Variants in DGKH observed in about 807,000 individuals in gnomAD.
DGKH encodes the protein diacylglycerol kinase eta, also known as DAG kinase eta.
In DGKH, 90 loss-of-function variants were observed where a neutral mutation model predicts 159.3. The observed-to-expected ratio is 0.57, with a 90% CI of 0.48 to 0.67. The LOEUF (loss-of-function observed/expected upper bound fraction) is 0.67. Ranked by LOEUF, DGKH falls within the 30% of genes least tolerant of loss-of-function variation. The pLI, the probability that DGKH is intolerant of heterozygous loss-of-function variation, is 0.00. For synonymous variants in DGKH, 536 were observed against 553.8 expected (o/e 0.97, Z 0.45); for missense variants, 1,181 against 1,506.1 (o/e 0.78, Z 3.57).
intron 1 of DGKH, among the ~76,000 whole-genome samples, chr13:42,059,647 T>C (rs1177998789): frequency 6.6e-6 from 1 of 152,212 alleles, no homozygotes. Context: ...GGTGCTTCTA[T>C]GGCCTGTTCT....
At chr13:42,131,660 G>A (rs1320005329) in intron 3 of DGKH, among the ~76,000 whole-genome samples, 1 of 152,202 alleles carries the variant, frequency 6.6e-6, no homozygotes, top group Non-Finnish European at 1.5e-5. Context: ...TGGAGATCAA[G>A]TTTAGTAATG....
intron 2 of DGKH, 83 bp downstream of exon 2, chr13:42,127,656 G>C: frequency 9.9e-7 from 1 of 1,006,386 alleles, no homozygotes; most frequent in East Asian, 2.6e-5. Flanking sequence ...TTTTTGTCTT[G>C]GAAGCGCACT....
intron 20 of DGKH, among the ~76,000 whole-genome samples, chr13:42,204,763 G>A (rs891393387): frequency 6.6e-6 from 1 of 152,152 alleles, no homozygotes; most frequent in Admixed American, 6.6e-5. Context: ...AGTTTAGCGA[G>A]CTAACTTGGA....
At chr13:42,134,932 G>A (rs867624819) in intron 3 of DGKH, among the ~76,000 whole-genome samples, 2 of 152,024 alleles carry the variant, frequency 1.3e-5, no homozygotes, top group African/African-American at 4.8e-5. Flanking sequence ...AGCCGAGATC[G>A]TGCCACTGCA....
intron 1 of DGKH, among the ~76,000 whole-genome samples, chr13:42,049,231 G>T (rs1040995720): frequency 6.6e-6 from 1 of 151,862 alleles, no homozygotes; most frequent in Non-Finnish European, 1.5e-5. Flanking sequence ...GGTGCTGCGG[G>T]ACGGATTCCC....
chr13:42,247,450 C>T (rs894179275), downstream of DGKH, among the ~76,000 whole-genome samples: 15 of 151,978 alleles, frequency 9.9e-5, no homozygotes, highest in Admixed American at 3.9e-4. Flanking sequence ...AGGCTGGTCT[C>T]GAACTCCTGA....
intron 1 of DGKH, among the ~76,000 whole-genome samples, chr13:42,083,036 G>T (rs1046587157): frequency 6.6e-6 from 1 of 152,172 alleles, no homozygotes; most frequent in African/African-American, 2.4e-5. Flanking sequence ...TAGGAAAAAA[G>T]CTAGAAAATC....
At chr13:42,041,649 A>G (rs925481755) in intron 1 of DGKH, among the ~76,000 whole-genome samples, 1 of 152,060 alleles carries the variant, frequency 6.6e-6, no homozygotes, top group Non-Finnish European at 1.5e-5. Context: ...TTCCGATTCA[A>G]ACAGAACCGT....
intron 13 of DGKH, among the ~76,000 whole-genome samples, chr13:42,182,191 G>C (rs1956783979): frequency 6.6e-6 from 1 of 152,254 alleles, no homozygotes; most frequent in Non-Finnish European, 1.5e-5. Flanking sequence ...TGACTTCCAT[G>C]TGCCATCACA....
intron 20 of DGKH, among the ~76,000 whole-genome samples, chr13:42,205,019 G>A (rs1322528120): frequency 6.6e-6 from 1 of 151,764 alleles, no homozygotes; most frequent in Non-Finnish European, 1.5e-5. Flanking sequence ...ATTTTTATTG[G>A]GCATTAAAAT....
chr13:42,114,072 C>A (rs561197002), intron 1 of DGKH, among the ~76,000 whole-genome samples: 3 of 152,238 alleles, frequency 2.0e-5, no homozygotes, highest in African/African-American at 7.2e-5. Context: ...CTTCTGTATA[C>A]CCATCCTCTC....
At chr13:42,222,320 G>T (rs1443622239) in intron 29 of DGKH, among the ~76,000 whole-genome samples, 1 of 152,104 alleles carries the variant, frequency 6.6e-6, no homozygotes, top group Admixed American at 6.5e-5. Context: ...ACAAATTAAT[G>T]AACTGTTGTT....
intron 21 of DGKH, among the ~76,000 whole-genome samples, chr13:42,208,364 A>G (rs781752866): frequency 6.6e-6 from 1 of 152,138 alleles, no homozygotes; most frequent in Non-Finnish European, 1.5e-5. Flanking sequence ...TGTAAAGACA[A>G]AATAAGTCTG....
intron 21 of DGKH, among the ~76,000 whole-genome samples, chr13:42,207,489 C>T (rs1486373023): frequency 6.6e-6 from 1 of 151,662 alleles, no homozygotes; most frequent in African/African-American, 2.4e-5. Context: ...CTGCATCCAG[C>T]CTCAGTACTT....
chr13:42,075,541 T>A (rs1216609558), intron 1 of DGKH, among the ~76,000 whole-genome samples: 1 of 152,206 alleles, frequency 6.6e-6, no homozygotes, highest in East Asian at 1.9e-4. Context: ...AGAAGCCCCT[T>A]TGAAACTTAG....
At chr13:42,126,312 G>A (rs1421282244) in intron 1 of DGKH, among the ~76,000 whole-genome samples, 1 of 152,144 alleles carries the variant, frequency 6.6e-6, no homozygotes, top group African/African-American at 2.4e-5. Flanking sequence ...GCAAGCACAA[G>A]TTTCAGTGTG....
intron 28 of DGKH, among the ~76,000 whole-genome samples, chr13:42,220,650 C>G (rs1041296361): frequency 6.6e-6 from 1 of 152,104 alleles, no homozygotes; most frequent in Non-Finnish European, 1.5e-5. Flanking sequence ...AATGTATAAG[C>G]AAATGATACA....
intron 27 of DGKH, 35 bp from the exon 28 acceptor site, chr13:42,219,651 C>T (rs758521736): frequency 1.3e-6 from 2 of 1,573,450 alleles, no homozygotes; most frequent in South Asian, 2.3e-5. Context: ...CTTTTCATAT[C>T]CTGAAAAAAT....
intron 13 of DGKH, among the ~76,000 whole-genome samples, chr13:42,178,476 A>AGTT (rs1469185748): frequency 6.6e-6 from 1 of 152,138 alleles, no homozygotes; most frequent in Non-Finnish European, 1.5e-5. Flanking sequence ...AAGCGTTTAG[A>AGTT]GTTTAATTAA....
Sources: gnomAD v4.1 joint callset for allele counts (sites outside exome capture counted in the v4.1 genomes callset) on GRCh38, gnomAD v4.1.1 for gene constraint, MANE v1.5 for transcripts, NCBI Gene and HGNC (gene_info 2026-07-23, HGNC 2026-07-21) for gene names.